The following GRID2 variants were observed in gnomAD, a reference collection of about 807,000 sequenced individuals.
The protein encoded by GRID2 is glutamate ionotropic receptor delta type subunit 2.
Under a neutral mutation model 114.8 loss-of-function variants are expected in GRID2, and 33 were observed. The observed-to-expected ratio is 0.29, with a 90% CI of 0.22 to 0.38. GRID2 has a LOEUF of 0.38. Ranked by LOEUF, GRID2 falls within the 10% of genes least tolerant of loss-of-function variation. The probability of loss-of-function intolerance (pLI) is 1.00; values close to 1 mark genes in which losing one functional copy is unlikely to be tolerated. For synonymous variants in GRID2, 505 were observed against 449.9 expected, an observed-to-expected ratio of 1.12 and a Z score of -1.55; for missense variants, 1,184 against 1,257.7, an observed-to-expected ratio of 0.94 and a Z score of 0.89.
At position 93,260,851 on chromosome 4, in the gene GRID2, A is replaced by G. The variant is rs531833321; in HGVS notation, c.1245+22361A>G. 1.8e-4 allele frequency among the ~76,000 whole-genome samples: 27 copies of G among 151,966 alleles called. No homozygotes were observed. The South Asian group carries it at 5.6e-3, about 31-fold the overall frequency. On this transcript the variant is annotated intron_variant, in intron 8 of 15. Transcript: ENST00000282020. ...GTGATAAAAGAGACATGGTGTGGCA[A>G]GAATTATACTGCAGAGATCTTTATT...
chr4:92,796,524 A>G (rs1453165181), intron 2 of GRID2, among the ~76,000 whole-genome samples: 2 of 151,936 alleles, frequency 1.3e-5, no homozygotes, highest in East Asian at 1.9e-4. Context: ...TTATTTGTAC[A>G]TAACAGTAGA....
At chr4:93,780,350 G>A (rs1195787304) in intron 1 of GRID2, among the ~76,000 whole-genome samples, 2 of 152,216 alleles carry the variant, frequency 1.3e-5, no homozygotes, top group Non-Finnish European at 2.9e-5. Flanking sequence ...TCCTGGGCAT[G>A]TCTAAAGAAT....
At chr4:92,963,698 C>T (rs889285246) in intron 2 of GRID2, among the ~76,000 whole-genome samples, 1 of 151,930 alleles carries the variant, frequency 6.6e-6, no homozygotes, top group Non-Finnish European at 1.5e-5. Context: ...ATGTTGATCA[C>T]CTCCCATGAA....
chr4:93,283,108 C>T (rs767296984), intron 8 of GRID2, among the ~76,000 whole-genome samples: 1 of 152,022 alleles, frequency 6.6e-6, no homozygotes, highest in Non-Finnish European at 1.5e-5. Flanking sequence ...ATATCATACC[C>T]AAAGCAGTTA....
intron 8 of GRID2, among the ~76,000 whole-genome samples, chr4:93,332,856 A>G (rs564253092): frequency 6.6e-6 from 1 of 152,196 alleles, no homozygotes; most frequent in South Asian, 2.1e-4. Context: ...TCTTCTCCCC[A>G]GGTAATTAAT....
chr4:92,451,896 T>G (rs1169697316), intron 1 of GRID2, among the ~76,000 whole-genome samples: 3 of 152,200 alleles, frequency 2.0e-5, no homozygotes, highest in Non-Finnish European at 4.4e-5. Context: ...AAGATGTTTG[T>G]AATATAGCCA....
Position 92,304,717 on chromosome 4 carries a change from G to A in GRID2, c.61G>A (p.Ala21Thr), listed in dbSNP as rs768522370. Residue 21 changes from alanine (A) to threonine (T), a missense_variant, in exon 1 of 16, where the codon GCG becomes ACG. By Grantham distance (58) the Ala-to-Thr change is moderately conservative (BLOSUM62 0). This residue lies in a region of GRID2 where 455 missense variants were observed against 429.5 expected (regional missense o/e 1.06). Transcript: ENST00000282020. The part of the protein sequence containing the change: ...SVWWSRTWDS[A>T]NADSIIHIGA... ...CTGGTGGTCTCGAACCTGGGACTCG[G>A]CGAATGCGGATTCGATCATTCACAT... is the stretch of plus-strand genomic sequence containing the variant. 9.3e-6 allele frequency: 15 copies of A among 1,613,214 alleles called. No individual in the cohort carries two copies. Among genetic ancestry groups the A allele is most frequent in the Non-Finnish European group, 1.3e-5 (15 of 1,179,326 alleles).
At position 92,499,636 on chromosome 4, in the gene GRID2, A is replaced by AGAGT. The variant is rs1262275695; in HGVS notation, c.89-90494_89-90491dup. On this transcript the variant is annotated intron_variant, in intron 1 of 15. Transcript: ENST00000282020. ...ATTTATTTATTTATTATTTTGAGAC[A>AGAGT]GAGTCTTGCTCTATAGCCCAAGCTG... is the stretch of plus-strand genomic sequence containing the variant. Among the ~76,000 whole-genome samples, 3 of 152,170 alleles carry AGAGT rather than the reference A, an allele frequency of 2.0e-5. No individual in the cohort carries two copies. The East Asian group carries it at 5.8e-4, about 29-fold the overall frequency.
At chr4:92,709,583 A>AT (rs1553919213) in intron 2 of GRID2, among the ~76,000 whole-genome samples, 1 of 127,896 alleles carries the variant, frequency 7.8e-6, no homozygotes, top group East Asian at 2.4e-4. Context: ...AAAAAAAAAA[A>AT]AAAAAAATAT....
chr4:92,643,829 T>C (rs1731481496), intron 2 of GRID2, among the ~76,000 whole-genome samples: 1 of 151,734 alleles, frequency 6.6e-6, no homozygotes, highest in South Asian at 2.1e-4. Flanking sequence ...TTACATTTGG[T>C]GAAAAATGAG....
At chr4:93,782,454 T>G (rs1048672499) in intron 1 of GRID2, among the ~76,000 whole-genome samples, 11 of 152,188 alleles carry the variant, frequency 7.2e-5, no homozygotes, top group Admixed American at 6.5e-4. Context: ...GTTCCGAGTC[T>G]GCTTCAACGT....
Position 92,862,015 on chromosome 4 carries a change from C to T in GRID2, c.245-222980C>T, listed in dbSNP as rs146197063. Among the ~76,000 whole-genome samples the T allele has an allele frequency of 2.8e-3, 431 of 152,062 alleles. 3 individuals are homozygous for T. The highest frequency in any genetic ancestry group is 0.01 in the African/African-American group (416 of 41,520). On this transcript the variant is annotated intron_variant, in intron 2 of 15. Transcript: ENST00000282020. ...TGTCTCATTTACCCAAGTATCTCCA[C>T]GGTTTTACCTAACACCTTGTCTATA... is the stretch of plus-strand genomic sequence containing the variant.
chr4:93,025,700 A>G (rs2149251391), intron 2 of GRID2, among the ~76,000 whole-genome samples: 1 of 151,938 alleles, frequency 6.6e-6, no homozygotes, highest in Non-Finnish European at 1.5e-5. Flanking sequence ...AAGAATAAAA[A>G]CAGTGAGAAA....
chr4:93,006,733 T>C (rs907116193), intron 2 of GRID2, among the ~76,000 whole-genome samples: 1 of 151,714 alleles, frequency 6.6e-6, no homozygotes. Flanking sequence ...GCAATAAAAT[T>C]TTCTCTGACC....
At chr4:92,820,344 G>T (rs1198161478) in intron 2 of GRID2, among the ~76,000 whole-genome samples, 1 of 152,106 alleles carries the variant, frequency 6.6e-6, no homozygotes, top group African/African-American at 2.4e-5. Context: ...GTAGATCTTA[G>T]GGATTCTAAA....
intron 13 of GRID2, among the ~76,000 whole-genome samples, chr4:93,608,659 G>A (rs1299714777): frequency 7.2e-6 from 1 of 138,224 alleles, no homozygotes; most frequent in African/African-American, 2.7e-5. Context: ...TTTTATGGCT[G>A]CATAGTATTC....
chr4:93,283,771 G>C (rs920161666), intron 8 of GRID2, among the ~76,000 whole-genome samples: 11 of 152,020 alleles, frequency 7.2e-5, no homozygotes, highest in Non-Finnish European at 1.6e-4. Flanking sequence ...AGCACTTTCA[G>C]GTTATTTGGA....
At chr4:92,464,876 T>C (rs941505306) in intron 1 of GRID2, among the ~76,000 whole-genome samples, 5 of 152,118 alleles carry the variant, frequency 3.3e-5, no homozygotes, top group African/African-American at 9.7e-5. Context: ...GGGAAGGACC[T>C]GGTGGGAGGT....
chr4:93,026,313 A>C (rs1723879127), intron 2 of GRID2, among the ~76,000 whole-genome samples: 1 of 151,902 alleles, frequency 6.6e-6, no homozygotes, highest in South Asian at 2.1e-4. Context: ...TATAGGGCAT[A>C]TTTGGCCTCA....
Sources: gnomAD v4.1 joint callset for allele counts (sites outside exome capture counted in the v4.1 genomes callset) on GRCh38, gnomAD v4.1.1 for gene constraint, gnomAD v4.1.1 regional missense constraint, MANE v1.5 for transcripts, NCBI Gene and HGNC (gene_info 2026-07-23, HGNC 2026-07-21) for gene names.